The following XKR9 variants were observed in gnomAD, a reference collection of about 807,000 sequenced individuals.
XKR9 encodes XK-related protein 9.
Under a neutral mutation model 32.0 loss-of-function variants are expected in XKR9, and 32 were observed. The ratio of observed to expected loss-of-function variants is 1.00; its 90% CI spans 0.76 to 1.34. The LOEUF (loss-of-function observed/expected upper bound fraction) is 1.34, where lower values mean the gene tolerates loss of function less well. Among genes scored for constraint, XKR9 ranks in the 40% most tolerant of loss-of-function variants. XKR9 has a pLI of 0.00. For missense variants in XKR9, 546 were observed against 429.7 expected (o/e 1.27, Z -2.39); for synonymous variants, 168 against 143.4 (o/e 1.17, Z -1.22).
the XKR9 span, among the ~76,000 whole-genome samples, chr8:70,811,879 C>T: frequency 6.6e-6 from 1 of 151,962 alleles, no homozygotes; most frequent in Non-Finnish European, 1.5e-5. Context: ...GGAACTGGTA[C>T]CATTCCTTCT....
chr8:70,740,746 G>C (rs1026610170), downstream of XKR9, among the ~76,000 whole-genome samples: 2 of 152,220 alleles, frequency 1.3e-5, no homozygotes, highest in Non-Finnish European at 2.9e-5. Flanking sequence ...GACCCTGTTT[G>C]CCTGTGTTCT....
chr8:70,781,140 G>A (rs1563478722), intron 2 of XKR9: 1 of 151,832 alleles, frequency 6.6e-6, no homozygotes, highest in East Asian at 1.9e-4. Context: ...TTGCAGTTTT[G>A]ATTTGCATTT....
intron 2 of XKR9, among the ~76,000 whole-genome samples, chr8:70,789,161 A>C (rs1199445568): frequency 6.6e-6 from 1 of 152,088 alleles, no homozygotes. Context: ...GTTTACGTGT[A>C]ACTTAGGTCT....
At chr8:70,837,821 T>C in the XKR9 span, among the ~76,000 whole-genome samples, 1 of 152,092 alleles carries the variant, frequency 6.6e-6, no homozygotes, top group African/African-American at 2.4e-5. Context: ...TCTCTCTGTT[T>C]CTATACTTCA....
At chr8:70,793,287 G>A (rs928187131), downstream of XKR9, among the ~76,000 whole-genome samples, 4 of 152,076 alleles carry the variant, frequency 2.6e-5, no homozygotes, top group African/African-American at 9.7e-5. Flanking sequence ...GTATTGAGAG[G>A]TGAGGTCATT....
the XKR9 span, among the ~76,000 whole-genome samples, chr8:70,952,894 C>A: frequency 6.6e-6 from 1 of 152,142 alleles, no homozygotes; most frequent in South Asian, 2.1e-4. Context: ...TGAGAACAAG[C>A]ATTTAGAAAC....
the XKR9 span, among the ~76,000 whole-genome samples, chr8:70,912,492 G>T: frequency 6.6e-6 from 1 of 152,156 alleles, no homozygotes; most frequent in African/African-American, 2.4e-5. Flanking sequence ...TCAAGTATCT[G>T]CCATGGTTAA....
the XKR9 span, among the ~76,000 whole-genome samples, chr8:70,875,334 A>C: frequency 2.0e-4 from 30 of 152,306 alleles, no homozygotes; most frequent in Non-Finnish European, 3.2e-4. Flanking sequence ...GTTTAGGCAC[A>C]TGACTTGCCT....
At chr8:70,809,750 A>T in the XKR9 span, among the ~76,000 whole-genome samples, 2 of 152,254 alleles carry the variant, frequency 1.3e-5, no homozygotes, top group Non-Finnish European at 2.9e-5. Context: ...GAGAAAAAAG[A>T]ATAAAAAGAA....
intron 2 of XKR9, among the ~76,000 whole-genome samples, chr8:70,773,237 C>A (rs1487203554): frequency 6.6e-6 from 1 of 152,044 alleles, no homozygotes; most frequent in Admixed American, 6.6e-5. Flanking sequence ...GTTGCCCAAC[C>A]AAAACAGGAT....
rs28380127 is a variant in XKR9, at chr8:70,743,625, C to T, written n.352+36472C>T. Among the ~76,000 whole-genome samples, 924 of 152,140 alleles carry T rather than the reference C, an allele frequency of 6.1e-3. 10 individuals carry two copies. Among genetic ancestry groups the T allele is most frequent in the African/African-American group, 0.021 (881 of 41,492 alleles). ...TTCAGTGAGCTGCATCGAGTCTTCC[C>T]CTTATATGCATAGTTCACGGTCAGC... is the stretch of plus-strand genomic sequence containing the variant. On this transcript the variant is annotated intron_variant and non_coding_transcript_variant, in intron 2 of 3. Coordinates refer to the XKR9 transcript ENST00000520273.
the XKR9 span, among the ~76,000 whole-genome samples, chr8:71,011,676 T>G: frequency 6.6e-6 from 1 of 152,224 alleles, no homozygotes; most frequent in Non-Finnish European, 1.5e-5. Context: ...TTTTTCTTTT[T>G]GTCTTTAGCT....
the XKR9 span, among the ~76,000 whole-genome samples, chr8:70,942,871 A>T: frequency 6.6e-6 from 1 of 152,158 alleles, no homozygotes; most frequent in Admixed American, 6.5e-5. Flanking sequence ...GCCAGCCCAT[A>T]AGTCTTACCT....
the XKR9 span, among the ~76,000 whole-genome samples, chr8:70,826,350 C>T: frequency 6.6e-6 from 1 of 152,250 alleles, no homozygotes; most frequent in Non-Finnish European, 1.5e-5. Context: ...CAAAAACAAA[C>T]ATTGACTTCT....
chr8:70,943,560 G>A, the XKR9 span, among the ~76,000 whole-genome samples: 1 of 151,908 alleles, frequency 6.6e-6, no homozygotes, highest in Non-Finnish European at 1.5e-5. Flanking sequence ...AAAAATTATT[G>A]CCAAATGCCT....
At chr8:70,927,313 C>T in the XKR9 span, among the ~76,000 whole-genome samples, 1 of 151,990 alleles carries the variant, frequency 6.6e-6, no homozygotes, top group African/African-American at 2.4e-5. Context: ...GGGTGGGGAT[C>T]GTCTTTGGAT....
intron 2 of XKR9, among the ~76,000 whole-genome samples, chr8:70,780,521 A>G (rs1261083709): frequency 6.6e-6 from 1 of 152,088 alleles, no homozygotes; most frequent in Non-Finnish European, 1.5e-5. Flanking sequence ...GTCTTCACAT[A>G]TTTTGGAAGT....
chr8:70,973,859 TG>T, the XKR9 span, among the ~76,000 whole-genome samples: 1 of 152,200 alleles, frequency 6.6e-6, no homozygotes, highest in South Asian at 2.1e-4. Context: ...TAAAATTTTT[TG>T]AGGCTCATTT....
intron 4 of XKR9, among the ~76,000 whole-genome samples, chr8:70,714,879 A>T (rs1395541574): frequency 6.6e-6 from 1 of 152,174 alleles, no homozygotes; most frequent in Non-Finnish European, 1.5e-5. Context: ...GAATAATGTG[A>T]TTGGACAAGG....
Sources: gnomAD v4.1 joint callset for allele counts (sites outside exome capture counted in the v4.1 genomes callset) on GRCh38, gnomAD v4.1.1 for gene constraint, MANE v1.5 for transcripts, NCBI Gene and HGNC (gene_info 2026-07-23, HGNC 2026-07-21) for gene names.